STX1A: variants seen among roughly 807,000 people sequenced by gnomAD.
STX1A encodes the protein syntaxin-1A.
Under a neutral mutation model 37.8 loss-of-function variants are expected in STX1A, and 4 were observed. The observed-to-expected ratio is 0.11, with a 90% CI of 0.05 to 0.24. The LOEUF (loss-of-function observed/expected upper bound fraction) is 0.24. Ranked by LOEUF, STX1A falls within the 10% of genes least tolerant of loss-of-function variation. STX1A has a pLI of 1.00. For synonymous variants in STX1A, 135 were observed against 147.4 expected, an observed-to-expected ratio of 0.92 and a Z score of 0.61; for missense variants, 251 against 399.9, an observed-to-expected ratio of 0.63 and a Z score of 3.18.
rs1799346541 is a variant in STX1A at position 73,717,907 on chromosome 7, T to TCC, written c.30+1693_30+1694dup. 3.3e-5 allele frequency among the ~76,000 whole-genome samples: 5 copies of TCC among 152,216 alleles called. No homozygotes were observed. The South Asian group carries it at 1.0e-3, about 32-fold the overall frequency. On this transcript the variant is annotated intron_variant, in intron 1 of 9. Coordinates refer to ENST00000222812, the MANE Select transcript of STX1A (RefSeq NM_004603.4). This position sits in a 1 kb window ranked among gnomAD's most constrained non-coding sequence, Gnocchi z 4.1. ...AGGCAAAGCCCTTTTCTACCACCCCTCCCTCTAGCAGGCAAGCCGTGTTTC... is the reference window on the plus strand; with the variant it reads ...AGGCAAAGCCCTTTTCTACCACCCCTCCCCCTCTAGCAGGCAAGCCGTGTTTC...
rs367990845 is a variant in STX1A at position 73,705,122 on chromosome 7, C to A, written c.283+28G>T. 3.7e-6 allele frequency: 6 copies of A among 1,610,142 alleles called. No individual in the cohort carries two copies. Among genetic ancestry groups the A allele is most frequent in the Non-Finnish European group, 5.1e-6 (6 of 1,176,360 alleles). On this transcript the variant is annotated intron_variant, in intron 4 of 9. Transcript: ENST00000222812. The surrounding 1 kb of genome is among the most constrained non-coding windows in gnomAD (Gnocchi z 5.2). ...GAGGAAGCAGGCCTAGAATGCCCCC[C>A]ACCCACCCCCAGACAAGCCTGACTC...
rs1029540826 is a variant in STX1A, at chr7:73,706,208, G to A, written c.209-984C>T. Among the ~76,000 whole-genome samples the A allele has an allele frequency of 6.6e-6, 1 of 152,138 alleles. No individual in the cohort carries two copies. The highest frequency in any genetic ancestry group is 1.5e-5 in the Non-Finnish European group (1 of 68,008). Reference sequence around the variant, plus strand: ...GTGTTGAGAGTGGTCTATCAGGAAGGCCCCGGATGGGGTCACCTCCCAAGT... The same window carrying A: ...GTGTTGAGAGTGGTCTATCAGGAAGACCCCGGATGGGGTCACCTCCCAAGT... On this transcript the variant is annotated intron_variant, in intron 3 of 9. Coordinates refer to ENST00000222812, the MANE Select transcript of STX1A (RefSeq NM_004603.4). This position sits in a 1 kb window ranked among gnomAD's most constrained non-coding sequence, Gnocchi z 4.6.
At chr7:73,708,501 C>T in intron 3 of STX1A, 88 bp downstream of exon 3, 1 of 1,299,986 alleles carries the variant, frequency 7.7e-7, no homozygotes, top group Non-Finnish European at 1.1e-6. Context: ...GCCATGAAGG[C>T]TGCAGAGGTC....
At chr7:73,703,603 TG>T in intron 7 of STX1A, 151 bp downstream of exon 7, 1 of 914,644 alleles carries the variant, frequency 1.1e-6, no homozygotes, top group Non-Finnish European at 1.8e-6. Context: ...GACCTCAGCC[TG>T]GTGTTTTCCC....
At position 73,700,289 on chromosome 7, in the gene STX1A, G is replaced by C; in HGVS notation, c.*118C>G. ...TGGCAGAGAAGGGAGCATGGGGGCCGGGAGGGAGGGTGCTCTGAGCCAGAG... is the reference window on the plus strand; with the variant it reads ...TGGCAGAGAAGGGAGCATGGGGGCCCGGAGGGAGGGTGCTCTGAGCCAGAG... On this transcript the variant is annotated 3_prime_UTR_variant, in exon 10 of 10. Transcript: ENST00000222812. The surrounding 1 kb of genome is among the most constrained non-coding windows in gnomAD (Gnocchi z 4.4). 1 of 930,460 alleles carries C rather than the reference G, an allele frequency of 1.1e-6. No individual in the cohort carries two copies. The highest frequency in any genetic ancestry group is 1.7e-6 in the Non-Finnish European group (1 of 588,030). The allele number at this position is 930,460 out of a possible 1,614,324, so 57.6% of individuals were successfully genotyped here.
In STX1A at chr7:73,702,985, G is replaced by A. The variant is rs1554616147; in HGVS notation, c.541-3C>T. On this transcript the variant is annotated splice_polypyrimidine_tract_variant and splice_region_variant and intron_variant, in intron 7 of 9. Coordinates refer to ENST00000222812, the MANE Select transcript of STX1A (RefSeq NM_004603.4). The surrounding 1 kb of genome is among the most constrained non-coding windows in gnomAD (Gnocchi z 4.7). The stretch of plus-strand genomic sequence containing the variant: ...GAGATGCTGGAGTCCATGATGATCT[G>A]GGGGTGGGAGCAGGGGGCTGGGACC... The A allele has an allele frequency of 3.1e-6, 5 of 1,601,900 alleles. No individual in the cohort carries two copies. The highest frequency in any genetic ancestry group is 2.2e-5 in the South Asian group (2 of 89,532).
rs527732281 is a variant in STX1A at position 73,717,747 on chromosome 7, A to C, written c.30+1855T>G. 6.6e-6 allele frequency among the ~76,000 whole-genome samples: 1 copy of C among 152,230 alleles called. No homozygotes were observed. The highest frequency in any genetic ancestry group is 1.9e-4 in the East Asian group (1 of 5,174). On this transcript the variant is annotated intron_variant, in intron 1 of 9. Transcript: ENST00000222812. The surrounding 1 kb of genome is among the most constrained non-coding windows in gnomAD (Gnocchi z 4.1). Reference sequence around the variant, plus strand: ...AAAGCAAAGCCTGGCTTCACCATCTAATCAGGGGGCGAGGAGGTAGTAACA... The same window carrying C: ...AAAGCAAAGCCTGGCTTCACCATCTCATCAGGGGGCGAGGAGGTAGTAACA...
intron 2 of STX1A, 106 bp from the exon 3 acceptor site, chr7:73,708,794 C>A: frequency 2.4e-6 from 3 of 1,247,320 alleles, no homozygotes; most frequent in South Asian, 2.6e-5. Flanking sequence ...AGGGGGAGGA[C>A]GGGCCAGGCT....
chr7:73,711,561 C>G (rs928355902), intron 1 of STX1A, among the ~76,000 whole-genome samples: 1 of 152,090 alleles, frequency 6.6e-6, no homozygotes, highest in East Asian at 1.9e-4. Flanking sequence ...CGTTTTCACG[C>G]TTTTAGACCG....
Position 73,708,724 on chromosome 7 carries a change from T to C in STX1A, c.109-36A>G, listed in dbSNP as rs781827411. On this transcript the variant is annotated intron_variant, in intron 2 of 9. Coordinates refer to ENST00000222812, the MANE Select transcript of STX1A (RefSeq NM_004603.4). ...AGGCCAGGTGGTCAGGAGAAGGAAATCAGGGGAGAAGCCTTCTGGGGCCCA... is the reference window on the plus strand; with the variant it reads ...AGGCCAGGTGGTCAGGAGAAGGAAACCAGGGGAGAAGCCTTCTGGGGCCCA... 7.5e-6 allele frequency: 12 copies of C among 1,601,640 alleles called. No individual in the cohort carries two copies. In the South Asian group the frequency reaches 1.3e-4, roughly 18 times the overall value.
Position 73,717,298 on chromosome 7 carries a change from C to T in STX1A, c.30+2304G>A, listed in dbSNP as rs1468532451. ...CTGTTCAGCCCAGCCCAGCCCAGCC[C>T]GCCCCAGTCCAGCCCAGTCCAGCCC... On this transcript the variant is annotated intron_variant, in intron 1 of 9. Coordinates refer to ENST00000222812, the MANE Select transcript of STX1A (RefSeq NM_004603.4). The surrounding 1 kb of genome is among the most constrained non-coding windows in gnomAD (Gnocchi z 4.1). 2.0e-5 allele frequency among the ~76,000 whole-genome samples: 3 copies of T among 152,150 alleles called. No individual in the cohort carries two copies. The highest frequency in any genetic ancestry group is 4.8e-5 in the African/African-American group (2 of 41,428).
At chr7:73,704,503 C>A in intron 4 of STX1A, 80 bp from the exon 5 acceptor site, 40 of 1,556,502 alleles carry the variant, frequency 2.6e-5, no homozygotes, top group Non-Finnish European at 3.5e-5. Context: ...CATCTATCCA[C>A]CTTCCCACAT....
rs57825945 is a variant in STX1A at position 73,709,813 on chromosome 7, AC to A, written c.31-692del. 0.015 allele frequency among the ~76,000 whole-genome samples: 2,330 copies of A among 152,304 alleles called. 62 individuals carry two copies. Among genetic ancestry groups the A allele is most frequent in the African/African-American group, 0.052 (2,174 of 41,560 alleles). ...TGCCTACTGTGTCCCAGCCCTGGGC[AC>A]CACTAAACCCCAGTCCCGAGGTGGC... is the stretch of plus-strand genomic sequence containing the variant. On this transcript the variant is annotated intron_variant, in intron 1 of 9. Transcript: ENST00000222812. This position sits in a 1 kb window ranked among gnomAD's most constrained non-coding sequence, Gnocchi z 4.2.
intron 1 of STX1A, among the ~76,000 whole-genome samples, chr7:73,718,237 A>C (rs1454488405): frequency 1.3e-5 from 2 of 152,182 alleles, no homozygotes. Context: ...CATGGGGTTT[A>C]CACCAGGGGC....
chr7:73,713,393 T>G (rs1799173592), intron 1 of STX1A, among the ~76,000 whole-genome samples: 1 of 152,224 alleles, frequency 6.6e-6, no homozygotes, highest in Non-Finnish European at 1.5e-5. Flanking sequence ...TACCCTGGCA[T>G]GCTGTCTTCC....
intron 1 of STX1A, 32 bp downstream of exon 1, chr7:73,719,570 G>A: frequency 4.1e-6 from 5 of 1,207,998 alleles, no homozygotes; most frequent in Non-Finnish European, 5.2e-6. Flanking sequence ...GGCGGCGGGC[G>A]GCGGGCGGCC....
At chr7:73,704,678 G>A (rs1386326619) in intron 4 of STX1A, 7 of 570,742 alleles carry the variant, frequency 1.2e-5, no homozygotes, top group South Asian at 2.0e-5. Context: ...TGGTAGCTCC[G>A]GCCACCCTAT....
In STX1A at chr7:73,705,292, T is replaced by A; in HGVS notation, c.209-68A>T. The A allele has an allele frequency of 7.3e-7, 1 of 1,366,680 alleles. No homozygotes were observed. 84.7% of individuals were successfully genotyped at this position (1,366,680 alleles called of 1,614,324 possible). A position where few individuals can be genotyped will look rare whatever the true frequency, so the allele number is the denominator to read the frequency against. ...CGGGGACTGATGTGCAGGCTCAGCC[T>A]CCAGCCCAGGGGGCCCAGTGGGAGG... On this transcript the variant is annotated intron_variant, in intron 3 of 9. Transcript: ENST00000222812. The surrounding 1 kb of genome is among the most constrained non-coding windows in gnomAD (Gnocchi z 5.2).
chr7:73,704,401 TTGCTCGATGGAC>T lies in STX1A; in HGVS notation c.294_305del (p.Ser99_Gln102del). ...CGGAGGAGCGGTTCAGGCCTTCCTC[TTGCTCGATGGAC>T]TGCTCGATGCCTGGGGGCACAGGTG... On this transcript the variant is annotated inframe_deletion, in exon 5 of 10. Transcript: ENST00000222812. The T allele has an allele frequency of 6.2e-7, 1 of 1,614,120 alleles. No homozygotes were observed. Among genetic ancestry groups the T allele is most frequent in the Non-Finnish European group, 8.5e-7 (1 of 1,180,018 alleles).
Sources: gnomAD v4.1 joint callset for allele counts (sites outside exome capture counted in the v4.1 genomes callset) on GRCh38, gnomAD v4.1.1 for gene constraint, Gnocchi (gnomAD v3.1) non-coding constraint, MANE v1.5 for transcripts, NCBI Gene and HGNC (gene_info 2026-07-23, HGNC 2026-07-21) for gene names.